NWD1: variants seen among roughly 807,000 people sequenced by gnomAD.
The protein encoded by NWD1 is NACHT domain- and WD repeat-containing protein 1.
NWD1 carries 129 observed loss-of-function variants against 135.1 expected under a neutral mutation model. The ratio of observed to expected loss-of-function variants is 0.96; its 90% CI spans 0.83 to 1.11. The LOEUF (loss-of-function observed/expected upper bound fraction) is 1.11, where lower values mean the gene tolerates loss of function less well. Ranked by LOEUF, NWD1 falls within the 50% of genes least tolerant of loss-of-function variation. The pLI is 0.00. For missense variants in NWD1, 1,740 were observed against 1,851.3 expected (o/e 0.94, Z 1.10); for synonymous variants, 773 against 786.0 (o/e 0.98, Z 0.28).
intron 18 of NWD1, among the ~76,000 whole-genome samples, chr19:16,809,872 T>C (rs1424010302): frequency 6.6e-6 from 1 of 152,032 alleles, no homozygotes; most frequent in Non-Finnish European, 1.5e-5. Flanking sequence ...GTGCTATTTC[T>C]TTATCCAACT....
At position 16,807,922 on chromosome 19, in the gene NWD1, C is replaced by T. The variant is rs145845607; in HGVS notation, c.4073C>T (p.Thr1358Met). ...PETLSSVAIL[T>M]DYRVVYSMTN... ...ACCCTCTCCAGCGTGGCCATTCTGA[C>T]GGACTACCGCGTGGTCTACAGCATG... is the stretch of plus-strand genomic sequence containing the variant. Residue 1358 changes from threonine (T) to methionine (M), a missense_variant, in exon 18 of 19, where the codon ACG becomes ATG. Coordinates refer to ENST00000524140, the MANE Select transcript of NWD1 (RefSeq NM_001007525.5). The T allele has an allele frequency of 1.2e-5, 20 of 1,614,044 alleles. No homozygotes were observed. The highest frequency in any genetic ancestry group is 1.2e-4 in the African/African-American group (9 of 74,932).
chr19:16,810,480 A>G (rs1031472026), intron 18 of NWD1, among the ~76,000 whole-genome samples: 1 of 150,974 alleles, frequency 6.6e-6, no homozygotes, highest in African/African-American at 2.4e-5. Context: ...AGGCCTTGTA[A>G]GTCTAGATTA....
chr19:16,728,201 T>C (rs1159196133), intron 2 of NWD1, among the ~76,000 whole-genome samples: 2 of 151,910 alleles, frequency 1.3e-5, no homozygotes, highest in African/African-American at 2.4e-5. Flanking sequence ...ACCACGGAAA[T>C]TGGCAGAAAA....
At position 16,749,955 on chromosome 19, in the gene NWD1, C is replaced by G; in HGVS notation, c.1313C>G (p.Ala438Gly). ...NFESLVLLLD[A>G]MDDLDSVRHA... ...GAGTCTCTCGTGCTCCTGCTGGATG[C>G]TATGGATGACCTGGACTCTGTCCGC... The change falls in exon 6 of 19, where the codon GCT becomes GGT. Residue 438 changes from alanine to glycine, a missense_variant. Coordinates refer to ENST00000524140, the MANE Select transcript of NWD1 (RefSeq NM_001007525.5). 6.2e-7 allele frequency: 1 copy of G among 1,613,812 alleles called. No individual in the cohort carries two copies. The highest frequency in any genetic ancestry group is 8.5e-7 in the Non-Finnish European group (1 of 1,180,026).
chr19:16,808,924 C>T (rs1281852597), intron 18 of NWD1, among the ~76,000 whole-genome samples: 1 of 151,946 alleles, frequency 6.6e-6, no homozygotes, highest in Non-Finnish European at 1.5e-5. Flanking sequence ...TCTCTACAAA[C>T]AAATGCAAAA....
intron 18 of NWD1, among the ~76,000 whole-genome samples, chr19:16,810,429 C>G (rs1375146677): frequency 1.6e-5 from 2 of 128,814 alleles, no homozygotes; most frequent in Admixed American, 8.9e-5. Context: ...CAGAGTGAGA[C>G]TCCATCTCAA....
chr19:16,802,385 A>T (rs943808575), intron 17 of NWD1, among the ~76,000 whole-genome samples: 1 of 150,364 alleles, frequency 6.7e-6, no homozygotes. Flanking sequence ...GCTTGAGCCC[A>T]GGAATTTGAG....
intron 12 of NWD1, among the ~76,000 whole-genome samples, chr19:16,788,152 C>T (rs1196574251): frequency 6.8e-6 from 1 of 147,854 alleles, no homozygotes; most frequent in Admixed American, 6.8e-5. Flanking sequence ...ATTGCTTGAA[C>T]CCGGGAAGTG....
chr19:16,778,915 T>C (rs80269479), intron 11 of NWD1, among the ~76,000 whole-genome samples: 3,071 of 152,282 alleles, frequency 0.02, 93 homozygotes, highest in African/African-American at 0.067. Flanking sequence ...CTTCTGGGGC[T>C]GAATCTTTCT....
intron 5 of NWD1, chr19:16,745,263 A>C (rs1282245982): frequency 1.5e-5 from 5 of 331,016 alleles, no homozygotes; most frequent in Non-Finnish European, 3.0e-5. Flanking sequence ...CCATGATTCA[A>C]TTATCTCCCA....
chr19:16,753,776 C>A (rs1968669875), intron 6 of NWD1, among the ~76,000 whole-genome samples: 1 of 151,962 alleles, frequency 6.6e-6, no homozygotes, highest in East Asian at 1.9e-4. Flanking sequence ...CCTGAGAGAC[C>A]CTATCCATTC....
chr19:16,793,998 A>G (rs796370105), intron 14 of NWD1, among the ~76,000 whole-genome samples: 2 of 152,126 alleles, frequency 1.3e-5, no homozygotes, highest in South Asian at 4.1e-4. Flanking sequence ...GGCACAAGTG[A>G]TCCTCCTGCT....
intron 17 of NWD1, among the ~76,000 whole-genome samples, chr19:16,805,168 C>G (rs1310535657): frequency 6.6e-6 from 1 of 152,036 alleles, no homozygotes; most frequent in Middle Eastern, 3.2e-3. Context: ...AAGCAATTCT[C>G]CTGCCTCAGC....
intron 17 of NWD1, 71 bp from the exon 18 acceptor site, chr19:16,807,515 A>T: frequency 7.6e-7 from 1 of 1,320,388 alleles, no homozygotes; most frequent in Non-Finnish European, 1.0e-6. Context: ...AAACAAAAAA[A>T]ACCACCAGGG....
intron 18 of NWD1, among the ~76,000 whole-genome samples, chr19:16,811,973 G>T (rs1568400993): frequency 6.6e-6 from 1 of 152,080 alleles, no homozygotes; most frequent in Non-Finnish European, 1.5e-5. Flanking sequence ...CCGAGATCAG[G>T]CTACTGCACC....
At position 16,719,908 on chromosome 19, in the gene NWD1, A is replaced by C. The variant is rs1448743475; in HGVS notation, c.-490A>C. 6.6e-6 allele frequency: 1 copy of C among 152,220 alleles called. No individual in the cohort carries two copies. The highest frequency in any genetic ancestry group is 1.9e-4 in the East Asian group (1 of 5,200). 9.4% of individuals were successfully genotyped at this position (152,220 alleles called of 1,614,324 possible). On this transcript the variant is annotated 5_prime_UTR_variant, in exon 1 of 19. Coordinates refer to ENST00000524140, the MANE Select transcript of NWD1 (RefSeq NM_001007525.5). ...AATACCTAAGACGAAAGTTACTAGG[A>C]TAGCCAGGGGCTTGTCTTCCGGGTG...
intron 14 of NWD1, 105 bp from the exon 15 acceptor site, chr19:16,794,358 T>C (rs1970348333): frequency 1.6e-6 from 1 of 636,652 alleles, no homozygotes; most frequent in Non-Finnish European, 2.8e-6. Context: ...AGAGTGAGAC[T>C]CCATCTCAAA....
rs182087681 is a variant in NWD1, at chr19:16,788,261, A to T, written c.2732-721A>T. Among the ~76,000 whole-genome samples the T allele has an allele frequency of 6.8e-5, 9 of 132,800 alleles. 1 individual carries two copies. The highest frequency in any genetic ancestry group is 2.7e-4 in the African/African-American group (8 of 29,164). 87.1% of individuals were successfully genotyped at this position (132,800 alleles called of 152,430 possible). A position where few individuals can be genotyped will look rare whatever the true frequency, so the allele number is the denominator to read the frequency against. On this transcript the variant is annotated intron_variant, in intron 12 of 18. Transcript: ENST00000524140. ...AATAATAATAATAATAATAATAATA[A>T]TAATAATAATAATAATAATAATAAA...
At chr19:16,813,013 T>A (rs553733489) in intron 18 of NWD1, among the ~76,000 whole-genome samples, 8 of 152,338 alleles carry the variant, frequency 5.3e-5, no homozygotes, top group Admixed American at 5.2e-4. Flanking sequence ...CCACAATCCC[T>A]CTTCTAGACC....
Sources: gnomAD v4.1 joint callset for allele counts (sites outside exome capture counted in the v4.1 genomes callset) on GRCh38, gnomAD v4.1.1 for gene constraint, MANE v1.5 for transcripts, NCBI Gene and HGNC (gene_info 2026-07-23, HGNC 2026-07-21) for gene names.